The following ABAT variants were observed in gnomAD, a reference collection of about 807,000 sequenced individuals.
ABAT encodes 4-aminobutyrate aminotransferase, mitochondrial.
ABAT carries 45 observed loss-of-function variants against 64.6 expected under a neutral mutation model. The observed-to-expected ratio is 0.70, with a 90% CI of 0.55 to 0.89. The LOEUF is 0.89. ABAT is among the 40% of genes least tolerant of loss of function. The probability of loss-of-function intolerance (pLI) is 0.00; values close to 1 mark genes in which losing one functional copy is unlikely to be tolerated. For missense variants in ABAT, 633 were observed against 658.4 expected, an observed-to-expected ratio of 0.96 and a Z score of 0.42; for synonymous variants, 297 against 250.5, an observed-to-expected ratio of 1.19 and a Z score of -1.75.
At chr16:8,765,358 A>T (rs1001687238) in intron 8 of ABAT, among the ~76,000 whole-genome samples, 1 of 150,542 alleles carries the variant, frequency 6.6e-6, no homozygotes, top group Non-Finnish European at 1.5e-5. Context: ...AGAAGAAGAA[A>T]ATGCTCCTTA....
At chr16:8,769,012 T>A in intron 11 of ABAT, 39 bp downstream of exon 11, 1 of 1,613,274 alleles carries the variant, frequency 6.2e-7, no homozygotes, top group Non-Finnish European at 8.5e-7. Context: ...CAACCACCAG[T>A]CCTGTTGCTC....
rs539956824 is a variant in ABAT, at chr16:8,733,630, G to A, written c.-41-2069G>A. ...GGATCACTTGCGGTTAGGGGCTGGA[G>A]ACCGGCCTGGCCAACACAGCGAAAC... On this transcript the variant is annotated intron_variant, in intron 1 of 15. Coordinates refer to ENST00000268251, the MANE Select transcript of ABAT (RefSeq NM_020686.6). 3.2e-4 allele frequency among the ~76,000 whole-genome samples: 48 copies of A among 152,040 alleles called. No homozygotes were observed. In the South Asian group the frequency reaches 9.5e-3, roughly 30 times the overall value.
chr16:8,781,144 A>G lies in ABAT; in HGVS notation c.1382-165A>G. On this transcript the variant is annotated intron_variant, in intron 15 of 15. Transcript: ENST00000268251. This position sits in a 1 kb window ranked among gnomAD's most constrained non-coding sequence, Gnocchi z 4.5. ...GAGAGAGAAAGGAAATGAAGACTGG[A>G]TGGGTGGGTGGTAGGAAGGAAGCCC... is the stretch of plus-strand genomic sequence containing the variant. The G allele has an allele frequency of 1.0e-6, 1 of 966,044 alleles. No homozygotes were observed. The highest frequency in any genetic ancestry group is 1.3e-5 in the South Asian group (1 of 78,210). The allele number at this position is 966,044 out of a possible 1,614,324, so 59.8% of individuals were successfully genotyped here. A position where few individuals can be genotyped will look rare whatever the true frequency, so the allele number is the denominator to read the frequency against.
Position 8,679,192 on chromosome 16 carries a change from T to A in ABAT, c.-42+4481T>A, listed in dbSNP as rs146153144. Among the ~76,000 whole-genome samples the A allele has an allele frequency of 1.4e-3, 219 of 152,154 alleles. 1 individual carries two copies. Among genetic ancestry groups the A allele is most frequent in the African/African-American group, 5.0e-3 (209 of 41,522 alleles). ...AAGGGACACTGTAAATAATTAATCA[T>A]AAGATAAAAATTAAAATGAATAGAG... On this transcript the variant is annotated intron_variant, in intron 1 of 15. Coordinates refer to ENST00000268251, the MANE Select transcript of ABAT (RefSeq NM_020686.6).
At chr16:8,754,744 A>G (rs1279180615) in intron 5 of ABAT, among the ~76,000 whole-genome samples, 1 of 146,886 alleles carries the variant, frequency 6.8e-6, no homozygotes, top group East Asian at 2.0e-4. Flanking sequence ...TTGAAAACGG[A>G]GTCCCATTCT....
intron 1 of ABAT, chr16:8,715,088 A>G (rs1273387): frequency 0.48 from 72,293 of 152,052 alleles, 19,849 homozygotes; most frequent in African/African-American, 0.77. Context: ...CTGACATCAC[A>G]TGTCCAACCG....
At chr16:8,770,088 C>T (rs751400414) in intron 11 of ABAT, among the ~76,000 whole-genome samples, 2 of 152,152 alleles carry the variant, frequency 1.3e-5, no homozygotes, top group African/African-American at 2.4e-5. Context: ...CCTTTTCTTT[C>T]ATTTTTACAC....
intron 1 of ABAT, chr16:8,683,659 C>G (rs1372368750): frequency 6.6e-6 from 1 of 151,904 alleles, no homozygotes; most frequent in Non-Finnish European, 1.5e-5. Context: ...GGTCTGTCCT[C>G]TGAAACTGGA....
Position 8,735,709 on chromosome 16 carries a change from C to T in ABAT, c.-31C>T, listed in dbSNP as rs745997771. 3.5e-5 allele frequency: 55 copies of T among 1,573,720 alleles called. No individual in the cohort carries two copies. Among genetic ancestry groups the T allele is most frequent in the East Asian group, 4.6e-5 (2 of 43,492 alleles). On this transcript the variant is annotated 5_prime_UTR_variant, in exon 2 of 16. It adds an upstream start codon to the 5' untranslated region. Transcript: ENST00000268251. Reference sequence around the variant, plus strand: ...TCTGGTTTCTTTCAGGGTGGCAGCACGCAAAGGGTGTCCCTGTCCCTCAAG... The same window carrying T: ...TCTGGTTTCTTTCAGGGTGGCAGCATGCAAAGGGTGTCCCTGTCCCTCAAG...
chr16:8,703,905 G>A (rs1458128319), intron 1 of ABAT, among the ~76,000 whole-genome samples: 1 of 152,174 alleles, frequency 6.6e-6, no homozygotes, highest in Non-Finnish European at 1.5e-5. Flanking sequence ...GTGTAGCTGT[G>A]TTTCAATAAA....
intron 1 of ABAT, among the ~76,000 whole-genome samples, chr16:8,680,093 C>G (rs1462979071): frequency 6.6e-6 from 1 of 152,156 alleles, no homozygotes; most frequent in Admixed American, 6.5e-5. Flanking sequence ...GACCCTCCCC[C>G]ACCTCCAGCC....
chr16:8,757,895 A>G, intron 6 of ABAT, 89 bp downstream of exon 6: 2 of 1,318,586 alleles, frequency 1.5e-6, no homozygotes, highest in Non-Finnish European at 2.2e-6. Context: ...TAGTCCTTTC[A>G]TTCATTCATT....
chr16:8,746,537 C>G (rs111919182), intron 3 of ABAT, among the ~76,000 whole-genome samples: 1 of 151,668 alleles, frequency 6.6e-6, no homozygotes, highest in Non-Finnish European at 1.5e-5. Context: ...CGCACCACCA[C>G]GCCTGGCTAA....
chr16:8,766,336 C>G, intron 9 of ABAT, 66 bp downstream of exon 9: 3 of 1,490,848 alleles, frequency 2.0e-6, no homozygotes, highest in Non-Finnish European at 1.9e-6. Flanking sequence ...CGGGCTGTTG[C>G]TGGCTGGCTG....
chr16:8,680,317 T>G (rs59395156), intron 1 of ABAT, among the ~76,000 whole-genome samples: 1 of 152,224 alleles, frequency 6.6e-6, no homozygotes, highest in Non-Finnish European at 1.5e-5. Context: ...CACTTCCCTA[T>G]GCACACAGTA....
chr16:8,726,466 C>G (rs767563267), intron 1 of ABAT, among the ~76,000 whole-genome samples: 14 of 152,000 alleles, frequency 9.2e-5, no homozygotes, highest in Non-Finnish European at 1.8e-4. Context: ...GCCATGTTCG[C>G]CAGGCTGGCC....
At chr16:8,750,327 C>A in intron 4 of ABAT, 95 bp from the exon 5 acceptor site, 1 of 1,077,598 alleles carries the variant, frequency 9.3e-7, no homozygotes, top group Non-Finnish European at 1.4e-6. Flanking sequence ...CAGATAGTCA[C>A]GATATGGTGT....
chr16:8,754,054 A>G (rs2059568369), intron 5 of ABAT, among the ~76,000 whole-genome samples: 1 of 151,996 alleles, frequency 6.6e-6, no homozygotes, highest in African/African-American at 2.4e-5. Context: ...CTTTCAAAGC[A>G]AATGTATTTG....
At chr16:8,747,702 T>A (rs1034838963) in intron 3 of ABAT, among the ~76,000 whole-genome samples, 7 of 152,214 alleles carry the variant, frequency 4.6e-5, no homozygotes, top group Non-Finnish European at 1.0e-4. Flanking sequence ...GTTTGGATTA[T>A]AATTATAAAT....
Sources: allele counts gnomAD v4.1 joint callset (sites outside exome capture counted in the v4.1 genomes callset), GRCh38; gene constraint gnomAD v4.1.1; non-coding constraint Gnocchi (gnomAD v3.1); transcripts MANE v1.5; gene names NCBI Gene and HGNC (gene_info 2026-07-23, HGNC 2026-07-21).